The following TTBK1 variants were observed in gnomAD, a reference collection of about 807,000 sequenced individuals.
TTBK1 encodes tau-tubulin kinase 1.
TTBK1 carries 34 observed loss-of-function variants against 108.5 expected under a neutral mutation model. The ratio of observed to expected loss-of-function variants is 0.31; its 90% CI spans 0.24 to 0.42. The LOEUF is 0.42. Ranked by LOEUF, TTBK1 falls within the 10% of genes least tolerant of loss-of-function variation. TTBK1 has a pLI of 1.00. For synonymous variants in TTBK1, 809 were observed against 795.1 expected, an observed-to-expected ratio of 1.02 and a Z score of -0.29; for missense variants, 1,539 against 1,826.0, an observed-to-expected ratio of 0.84 and a Z score of 2.86.
intron 13 of TTBK1, among the ~76,000 whole-genome samples, chr6:43,264,817 G>A (rs184362040): frequency 2.6e-5 from 4 of 152,174 alleles, no homozygotes; most frequent in African/African-American, 4.8e-5. Context: ...GAGCCAAGGC[G>A]AGAGAGACTA....
Position 43,253,236 on chromosome 6 carries a change from T to A in TTBK1, c.257-55T>A, listed in dbSNP as rs1453892932. ...AGTGCACTAGGAACCCATCTTAGGG[T>A]TGGAAATGAGGAAGAAAGAGTAAGA... is the stretch of plus-strand genomic sequence containing the variant. On this transcript the variant is annotated intron_variant, in intron 3 of 14. Transcript: ENST00000259750. This position sits in a 1 kb window ranked among gnomAD's most constrained non-coding sequence, Gnocchi z 5.8. 2 of 1,591,672 alleles carry A rather than the reference T, an allele frequency of 1.3e-6. No individual in the cohort carries two copies. Among genetic ancestry groups the A allele is most frequent in the Admixed American group, 3.3e-5 (2 of 59,908 alleles).
intron 1 of TTBK1, among the ~76,000 whole-genome samples, chr6:43,244,153 A>C (rs745749519): frequency 6.6e-6 from 1 of 150,978 alleles, no homozygotes; most frequent in Non-Finnish European, 1.5e-5. Context: ...TGTCATCATT[A>C]TCTCTCACGG....
chr6:43,274,657 C>T (rs1327561669), intron 13 of TTBK1, among the ~76,000 whole-genome samples: 1 of 148,806 alleles, frequency 6.7e-6, no homozygotes. Context: ...CTACCCCAAA[C>T]TCCACTTAGA....
chr6:43,255,999 C>A, intron 9 of TTBK1, 143 bp downstream of exon 9: 2 of 991,932 alleles, frequency 2.0e-6, no homozygotes, highest in Non-Finnish European at 3.0e-6. Flanking sequence ...GCACTAAAGG[C>A]ATGTATGCTC....
At chr6:43,245,847 A>G (rs1777071527) in intron 1 of TTBK1, among the ~76,000 whole-genome samples, 1 of 150,948 alleles carries the variant, frequency 6.6e-6, no homozygotes, top group Middle Eastern at 3.4e-3. Flanking sequence ...GGCCCCTTCC[A>G]TTTTCCTGTC....
Position 43,285,219 on chromosome 6 carries a change from TC to T in TTBK1, c.3815del (p.Pro1272ArgfsTer111), listed in dbSNP as rs1399596245. 3.9e-6 allele frequency: 5 copies of T among 1,298,606 alleles called. No homozygotes were observed. The highest frequency in any genetic ancestry group is 2.9e-6 in the Non-Finnish European group (3 of 1,026,260). The allele number at this position is 1,298,606 out of a possible 1,614,324, so 80.4% of individuals were successfully genotyped here. On this transcript the variant is annotated frameshift_variant, in exon 15 of 15. Coordinates refer to ENST00000259750, the MANE Select transcript of TTBK1 (RefSeq NM_032538.3). LOFTEE classifies it high-confidence loss of function. The surrounding 1 kb of genome is among the most constrained non-coding windows in gnomAD (Gnocchi z 4.7). ...PSPSHQARPG[V>X]PPPRGVPPAR... ...CCCTCGCACCAGGCCCGGCCCGGGG[TC>T]CCCCCGCCCCGGGGCGTCCCGCCGG...
chr6:43,262,767 C>A, intron 12 of TTBK1, 22 bp from the exon 13 acceptor site: 7 of 1,523,604 alleles, frequency 4.6e-6, no homozygotes, highest in Non-Finnish European at 6.2e-6. Flanking sequence ...GGTATTGAGC[C>A]CCGTGAGGGG....
chr6:43,259,565 T>C lies in TTBK1; in HGVS notation c.1283T>C (p.Met428Thr), dbSNP rs148475249. ...PCVEEEQSRG[M>T]GVPSSPVRAP... ...GTGGAGGAGGAACAGAGCCGAGGCA[T>C]GGGGGTCCCCAGCTCCCCAGTGCGT... is the stretch of plus-strand genomic sequence containing the variant. The change falls in exon 12 of 15, where the codon ATG (methionine) becomes ACG (threonine). Residue 428 changes from methionine to threonine, a missense_variant. Physicochemically the swap from Met to Thr is moderately conservative, Grantham distance 81. This residue lies in a region of TTBK1 where 277 missense variants were observed against 332.4 expected (regional missense o/e 0.83). Transcript: ENST00000259750. The surrounding 1 kb of genome is among the most constrained non-coding windows in gnomAD (Gnocchi z 6.7). 1.9e-6 allele frequency: 3 copies of C among 1,604,160 alleles called. No homozygotes were observed. The highest frequency in any genetic ancestry group is 2.6e-6 in the Non-Finnish European group (3 of 1,175,534).
rs983015069 is a variant in TTBK1 at position 43,259,806 on chromosome 6, A to G, written c.1424+100A>G. 11 of 1,283,486 alleles carry G rather than the reference A, an allele frequency of 8.6e-6. No individual in the cohort carries two copies. Among genetic ancestry groups the G allele is most frequent in the Non-Finnish European group, 1.2e-5 (11 of 949,680 alleles). 79.5% of individuals were successfully genotyped at this position (1,283,486 alleles called of 1,614,324 possible). On this transcript the variant is annotated intron_variant, in intron 12 of 14. Coordinates refer to ENST00000259750, the MANE Select transcript of TTBK1 (RefSeq NM_032538.3). This position sits in a 1 kb window ranked among gnomAD's most constrained non-coding sequence, Gnocchi z 6.7. ...TTAGATGTGTGGCGGAGGTGGGCAGACCCTGGGAAGTGCTGAGAGGGTTAT... is the reference window on the plus strand; with the variant it reads ...TTAGATGTGTGGCGGAGGTGGGCAGGCCCTGGGAAGTGCTGAGAGGGTTAT...
chr6:43,251,817 C>T (rs1344091071), intron 2 of TTBK1, among the ~76,000 whole-genome samples: 2 of 152,198 alleles, frequency 1.3e-5, no homozygotes, highest in Non-Finnish European at 2.9e-5. Context: ...GGCATCTGAA[C>T]AGGGACCTAG....
intron 13 of TTBK1, among the ~76,000 whole-genome samples, chr6:43,275,067 TCACACC>T (rs1395238361): frequency 6.6e-6 from 1 of 151,900 alleles, no homozygotes; most frequent in Non-Finnish European, 1.5e-5. Context: ...GCACTCACAC[TCACACC>T]CACACTCACA....
At chr6:43,268,065 C>T (rs1337962969) in intron 13 of TTBK1, among the ~76,000 whole-genome samples, 1 of 152,218 alleles carries the variant, frequency 6.6e-6, no homozygotes, top group Non-Finnish European at 1.5e-5. Flanking sequence ...GGAGCTGGAG[C>T]GGTCTCACAG....
intron 2 of TTBK1, among the ~76,000 whole-genome samples, chr6:43,251,671 C>A (rs1218314390): frequency 6.6e-6 from 1 of 152,188 alleles, no homozygotes; most frequent in South Asian, 2.1e-4. Context: ...TCCTCCCCGC[C>A]TTTCTCACGC....
At chr6:43,247,932 A>AG (rs60736391) in intron 2 of TTBK1, 68,368 of 151,708 alleles carry the variant, frequency 0.45, 18,096 homozygotes, top group African/African-American at 0.75. Context: ...TATGTCCCAG[A>AG]GGGGGACTTC....
chr6:43,246,870 G>A, intron 2 of TTBK1, 102 bp downstream of exon 2: 1 of 867,890 alleles, frequency 1.2e-6, no homozygotes, highest in Non-Finnish European at 1.8e-6. Context: ...TACCCTAAGA[G>A]GGAGGTGCCT....
At position 43,265,272 on chromosome 6, in the gene TTBK1, T is replaced by G. The variant is rs540137393; in HGVS notation, c.1986+1922T>G. On this transcript the variant is annotated intron_variant, in intron 13 of 14. Coordinates refer to ENST00000259750, the MANE Select transcript of TTBK1 (RefSeq NM_032538.3). This position sits in a 1 kb window ranked among gnomAD's most constrained non-coding sequence, Gnocchi z 4.1. ...GGCCAGTTCTACCACTTGCTCAGATTGGGAGGCCTTGCCTGGGATCACATG... is the reference window on the plus strand; with the variant it reads ...GGCCAGTTCTACCACTTGCTCAGATGGGGAGGCCTTGCCTGGGATCACATG... Among the ~76,000 whole-genome samples the G allele has an allele frequency of 1.4e-4, 22 of 152,122 alleles. No individual in the cohort carries two copies. The highest frequency in any genetic ancestry group is 5.3e-4 in the African/African-American group (22 of 41,510).
In TTBK1 at chr6:43,283,807, G is replaced by A. The variant is rs767071657; in HGVS notation, c.3067G>A (p.Gly1023Arg). The A allele has an allele frequency of 9.3e-6, 15 of 1,613,074 alleles. No individual in the cohort carries two copies. The highest frequency in any genetic ancestry group is 1.7e-5 in the Admixed American group (1 of 59,914). Residue 1023 changes from glycine (G) to arginine (R), a missense_variant, in exon 14 of 15, where the codon GGG becomes AGG. This residue lies in a region of TTBK1 where 1,055 missense variants were observed against 1,086.5 expected (regional missense o/e 0.97). Transcript: ENST00000259750. This position sits in a 1 kb window ranked among gnomAD's most constrained non-coding sequence, Gnocchi z 8.1. ...SLPNGPALAD[G>R]PAPVSPLEPS... ...GCCCAATGGCCCGGCCCTTGCAGAC[G>A]GGCCAGCCCCGGTGTCCCCGCTGGA...
Position 43,263,147 on chromosome 6 carries a change from C to T in TTBK1, c.1783C>T (p.Pro595Ser). 2 of 1,566,824 alleles carry T rather than the reference C, an allele frequency of 1.3e-6. No homozygotes were observed. Among genetic ancestry groups the T allele is most frequent in the Non-Finnish European group, 1.7e-6 (2 of 1,154,780 alleles). ...GCTGGGGGCAGAGCCCACCGTCCGG[C>T]CCCGGGGACGCAGCATGCAGGCGCT... ...RRLGAEPTVR[P>S]RGRSMQALAE... Residue 595 changes from proline (P) to serine (S), a missense_variant, in exon 13 of 15, where the codon CCC becomes TCC. This residue lies in a region of TTBK1 where 1,055 missense variants were observed against 1,086.5 expected (regional missense o/e 0.97). Coordinates refer to ENST00000259750, the MANE Select transcript of TTBK1 (RefSeq NM_032538.3). The surrounding 1 kb of genome is among the most constrained non-coding windows in gnomAD (Gnocchi z 4.7).
In TTBK1 at chr6:43,285,490, G is replaced by A. The variant is rs561775525; in HGVS notation, c.*114G>A. The A allele has an allele frequency of 1.6e-6, 2 of 1,212,274 alleles. No individual in the cohort carries two copies. Among genetic ancestry groups the A allele is most frequent in the Non-Finnish European group, 2.1e-6 (2 of 974,676 alleles). The allele number at this position is 1,212,274 out of a possible 1,614,324, so 75.1% of individuals were successfully genotyped here. On this transcript the variant is annotated 3_prime_UTR_variant, in exon 15 of 15. Coordinates refer to ENST00000259750, the MANE Select transcript of TTBK1 (RefSeq NM_032538.3). This position sits in a 1 kb window ranked among gnomAD's most constrained non-coding sequence, Gnocchi z 4.7. ...TACGCGCCCGACGCGCGCCACCCGCGGCCCCAGCTTTCCGCCTGCACCCGC... is the reference window on the plus strand; with the variant it reads ...TACGCGCCCGACGCGCGCCACCCGCAGCCCCAGCTTTCCGCCTGCACCCGC...
Sources: allele counts gnomAD v4.1 joint callset (sites outside exome capture counted in the v4.1 genomes callset), GRCh38; gene constraint gnomAD v4.1.1; regional missense constraint gnomAD v4.1.1; non-coding constraint Gnocchi (gnomAD v3.1); transcripts MANE v1.5; gene names NCBI Gene and HGNC (gene_info 2026-07-23, HGNC 2026-07-21).